COL18A1: variants seen among roughly 807,000 people sequenced by gnomAD.
COL18A1 encodes collagen type XVIII alpha 1 chain.
A neutral mutation model predicts 168.0 loss-of-function variants in COL18A1; 133 were observed. The observed-to-expected ratio is 0.79, with a 90% CI of 0.69 to 0.91. The LOEUF (loss-of-function observed/expected upper bound fraction) is 0.91, where lower values mean the gene tolerates loss of function less well. COL18A1 is among the 40% of genes least tolerant of loss of function. The pLI is 0.00. For missense variants in COL18A1, 2,126 were observed against 1,925.4 expected (o/e 1.10, Z -1.95); for synonymous variants, 949 against 809.0 (o/e 1.17, Z -2.94).
At chr21:45,465,655 C>T (rs894880086) in intron 2 of COL18A1, among the ~76,000 whole-genome samples, 2 of 152,128 alleles carry the variant, frequency 1.3e-5, no homozygotes, top group Non-Finnish European at 2.9e-5. Flanking sequence ...CTGGAGGGGG[C>T]TGTGCTGGAG....
intron 38 of COL18A1, 130 bp downstream of exon 38, chr21:45,507,723 C>T: frequency 2.3e-6 from 2 of 877,082 alleles, no homozygotes; most frequent in Non-Finnish European, 3.7e-6. Flanking sequence ...CACCATCAGC[C>T]CCTGCTGCAG....
rs1568931435 is a variant in COL18A1 at position 45,498,519 on chromosome 21, A to C, written c.2683+858A>C. 1 of 715,662 alleles carries C rather than the reference A, an allele frequency of 1.4e-6. No individual in the cohort carries two copies. 44.3% of individuals were successfully genotyped at this position (715,662 alleles called of 1,614,324 possible). On this transcript the variant is annotated intron_variant, in intron 32 of 41. Coordinates refer to ENST00000651438, the MANE Select transcript of COL18A1 (RefSeq NM_001379500.1). The surrounding 1 kb of genome is among the most constrained non-coding windows in gnomAD (Gnocchi z 4.5). ...TCGCTGCCAGGGTCCTCTGCAGAGG[A>C]GGCCGCCATACCTGCTCTTGCTGGG...
chr21:45,476,339 C>G lies in COL18A1; in HGVS notation c.799-12C>G. ...GGCCGAATAACAGGCCACCTCCCCT[C>G]TCGTCCTCCAGGGCGCGGCCCTAAA... On this transcript the variant is annotated splice_polypyrimidine_tract_variant and intron_variant, in intron 5 of 41. Coordinates refer to ENST00000651438, the MANE Select transcript of COL18A1 (RefSeq NM_001379500.1). 6.2e-7 allele frequency: 1 copy of G among 1,613,898 alleles called. No individual in the cohort carries two copies. Among genetic ancestry groups the G allele is most frequent in the Non-Finnish European group, 8.5e-7 (1 of 1,179,920 alleles).
Position 45,495,433 on chromosome 21 carries a change from G to A in COL18A1, c.2508+1G>A, listed in dbSNP as rs767497683. 6.2e-7 allele frequency: 1 copy of A among 1,607,158 alleles called. No individual in the cohort carries two copies. The highest frequency in any genetic ancestry group is 8.5e-7 in the Non-Finnish European group (1 of 1,176,476). On this transcript the variant is annotated splice_donor_variant, in intron 29 of 41. Coordinates refer to ENST00000651438, the MANE Select transcript of COL18A1 (RefSeq NM_001379500.1). LOFTEE classifies it high-confidence loss of function. ...TGCCAGCCTTGGATTTGGCATGAGG[G>A]TGAGTGTCTCTCAAGGGGCGGACTG...
intron 15 of COL18A1, among the ~76,000 whole-genome samples, chr21:45,484,250 C>T (rs1259342345): frequency 1.4e-5 from 2 of 147,056 alleles, no homozygotes; most frequent in Non-Finnish European, 3.0e-5. Flanking sequence ...ACCTCTCCAG[C>T]ATATGTGCAC....
chr21:45,509,485 C>T lies in COL18A1; in HGVS notation c.3379C>T (p.Arg1127Cys), dbSNP rs375753362. 37 of 1,526,574 alleles carry T rather than the reference C, an allele frequency of 2.4e-5. No homozygotes were observed. Among genetic ancestry groups the T allele is most frequent in the South Asian group, 1.3e-4 (11 of 84,508 alleles). The allele number at this position is 1,526,574 out of a possible 1,614,324, so 94.6% of individuals were successfully genotyped here. The change falls in exon 39 of 42, where the codon CGC (arginine) becomes TGC (cysteine). Residue 1127 changes from arginine (R) to cysteine (C), a missense_variant. Coordinates refer to ENST00000651438, the MANE Select transcript of COL18A1 (RefSeq NM_001379500.1). Reference sequence around the variant, plus strand: ...AGATGACATCCTGGCCAGCCCCCCTCGCCTGCCCGAGCCCCAGCCCTACCC... The same window carrying T: ...AGATGACATCCTGGCCAGCCCCCCTTGCCTGCCCGAGCCCCAGCCCTACCC... ...RADDILASPPRLPEPQPYPGA... is the reference protein window; with the variant it reads ...RADDILASPPCLPEPQPYPGA...
intron 2 of COL18A1, chr21:45,455,868 A>G (rs2034784202): frequency 2.5e-6 from 4 of 1,612,962 alleles, no homozygotes; most frequent in East Asian, 2.2e-5. Flanking sequence ...GTCGGAGCCG[A>G]GATCCTGAAC....
At chr21:45,486,840 C>G (rs776112009) in intron 15 of COL18A1, 21 bp from the exon 16 acceptor site, 1 of 1,527,346 alleles carries the variant, frequency 6.5e-7, no homozygotes, top group Admixed American at 2.0e-5. Context: ...GGTCCTGACA[C>G]GCTCTCCTCA....
At chr21:45,490,425 G>A (rs932480153) in intron 20 of COL18A1, 79 bp downstream of exon 20, 72 of 1,087,002 alleles carry the variant, frequency 6.6e-5, no homozygotes, top group Middle Eastern at 2.6e-4. Context: ...AAGCTGGCAC[G>A]AGATGTGCCC....
At chr21:45,469,530 G>C (rs569742382) in intron 3 of COL18A1, among the ~76,000 whole-genome samples, 5 of 152,228 alleles carry the variant, frequency 3.3e-5, no homozygotes, top group Non-Finnish European at 4.4e-5. Flanking sequence ...TGAGTCTCCG[G>C]GAAGTCCCTC....
In COL18A1 at chr21:45,425,683, T is replaced by G. The variant is rs967717423; in HGVS notation, c.106+20210T>G. Among the ~76,000 whole-genome samples the G allele has an allele frequency of 6.6e-6, 1 of 152,078 alleles. No individual in the cohort carries two copies. The highest frequency in any genetic ancestry group is 2.4e-5 in the African/African-American group (1 of 41,394). On this transcript the variant is annotated intron_variant, in intron 2 of 41. Transcript: ENST00000651438. This position sits in a 1 kb window ranked among gnomAD's most constrained non-coding sequence, Gnocchi z 4.1. ...GCTCCTCAGGGGGAGGTTCGGGGCCTTTGGTCTCTGGACTTGGGCAGCAGA... is the reference window on the plus strand; with the variant it reads ...GCTCCTCAGGGGGAGGTTCGGGGCCGTTGGTCTCTGGACTTGGGCAGCAGA...
At chr21:45,510,775 G>A (rs2037531493) in intron 40 of COL18A1, among the ~76,000 whole-genome samples, 1 of 152,162 alleles carries the variant, frequency 6.6e-6, no homozygotes, top group African/African-American at 2.4e-5. Context: ...CAGAGACCCA[G>A]GGCTGGGAGC....
At chr21:45,455,487 A>G (rs769018929) in intron 2 of COL18A1, 16 of 1,607,380 alleles carry the variant, frequency 1.0e-5, no homozygotes, top group Admixed American at 6.7e-5. Flanking sequence ...ACCTCCAGGC[A>G]CAGAGGCCCT....
Position 45,471,925 on chromosome 21 carries a change from C to T in COL18A1, c.652-1970C>T, listed in dbSNP as rs958047991. Among the ~76,000 whole-genome samples the T allele has an allele frequency of 4.6e-5, 7 of 152,214 alleles. No homozygotes were observed. The highest frequency in any genetic ancestry group is 7.3e-5 in the Non-Finnish European group (5 of 68,036). ...AATGGGCCTGTGGCTTTTGCACTAG[C>T]GCCTCCTGCCCCACCCCCGGAGCCA... On this transcript the variant is annotated intron_variant, in intron 3 of 41. Transcript: ENST00000651438. This position sits in a 1 kb window ranked among gnomAD's most constrained non-coding sequence, Gnocchi z 4.4.
chr21:45,486,805 T>G, intron 15 of COL18A1, 56 bp from the exon 16 acceptor site: 1 of 1,522,434 alleles, frequency 6.6e-7, no homozygotes, highest in Non-Finnish European at 8.8e-7. Flanking sequence ...ACGCTGGGGT[T>G]GCAGGGCCAG....
At position 45,477,431 on chromosome 21, in the gene COL18A1, G is replaced by T; in HGVS notation, c.949G>T (p.Asp317Tyr). The T allele has an allele frequency of 6.2e-7, 1 of 1,613,262 alleles. No homozygotes were observed. Among genetic ancestry groups the T allele is most frequent in the African/African-American group, 1.3e-5 (1 of 75,040 alleles). Residue 317 changes from aspartate to tyrosine, a missense_variant, in exon 7 of 42, where the codon GAT becomes TAT. By Grantham distance (160) the Asp-to-Tyr change is radical. Transcript: ENST00000651438. ...CCCAGCTCAGACACTTCCTGGCTCAGATTCTGTCTCCACGTGGGACGGGAG... is the reference window on the plus strand; with the variant it reads ...CCCAGCTCAGACACTTCCTGGCTCATATTCTGTCTCCACGTGGGACGGGAG... ...SLGAQTLPGS[D>Y]SVSTWDGSVR... is the part of the protein sequence containing the mutation.
intron 14 of COL18A1, chr21:45,482,314 G>A (rs769859568): frequency 1.2e-5 from 8 of 680,898 alleles, no homozygotes; most frequent in South Asian, 2.9e-5. Flanking sequence ...TTACGGGGCA[G>A]TGGCCATGAG....
At position 45,480,462 on chromosome 21, in the gene COL18A1, C is replaced by G. The variant is rs1440761913; in HGVS notation, c.1399-5C>G. ...GCAACGTGTCTCTCCGGCTCTTTTC[C>G]TCAGACCTTCATTGACATGGAGGGA... On this transcript the variant is annotated splice_polypyrimidine_tract_variant and splice_region_variant and intron_variant, in intron 11 of 41. Coordinates refer to ENST00000651438, the MANE Select transcript of COL18A1 (RefSeq NM_001379500.1). 1 of 1,614,150 alleles carries G rather than the reference C, an allele frequency of 6.2e-7. No individual in the cohort carries two copies. The highest frequency in any genetic ancestry group is 8.5e-7 in the Non-Finnish European group (1 of 1,180,026).
intron 2 of COL18A1, among the ~76,000 whole-genome samples, chr21:45,453,112 GTA>G (rs2034682963): frequency 6.6e-6 from 1 of 151,728 alleles, no homozygotes; most frequent in South Asian, 2.1e-4. Flanking sequence ...TAAGCATTAT[GTA>G]TGTGTGTGGG....
Sources: gnomAD v4.1 joint callset for allele counts (sites outside exome capture counted in the v4.1 genomes callset) on GRCh38, gnomAD v4.1.1 for gene constraint, Gnocchi (gnomAD v3.1) non-coding constraint, MANE v1.5 for transcripts, NCBI Gene and HGNC (gene_info 2026-07-23, HGNC 2026-07-21) for gene names.